The following KCNMA1 variants were observed in gnomAD, a reference collection of about 807,000 sequenced individuals.
KCNMA1 encodes the protein Calcium-activated potassium channel subunit alpha-1.
Under a neutral mutation model 140.0 loss-of-function variants are expected in KCNMA1, and 29 were observed. That is an observed-to-expected ratio of 0.21 (90% CI 0.15 to 0.28). The LOEUF (loss-of-function observed/expected upper bound fraction) is 0.28, where lower values mean the gene tolerates loss of function less well. KCNMA1 is among the 10% of genes least tolerant of loss of function. The pLI is 1.00. For missense variants in KCNMA1, 880 were observed against 1,602.2 expected (o/e 0.55, Z 7.70); for synonymous variants, 612 against 611.9 (o/e 1.00, Z 0.00).
intron 1 of KCNMA1, among the ~76,000 whole-genome samples, chr10:77,473,376 G>C (rs1350555912): frequency 1.3e-5 from 2 of 152,118 alleles, no homozygotes; most frequent in Non-Finnish European, 2.9e-5. Context: ...CTGATGAACT[G>C]GGGGCCCCAG....
chr10:77,075,357 A>G (rs1369908399), intron 13 of KCNMA1, among the ~76,000 whole-genome samples: 1 of 152,256 alleles, frequency 6.6e-6, no homozygotes, highest in Non-Finnish European at 1.5e-5. Context: ...ATATCATCTG[A>G]GAACCTGAGA....
At chr10:76,939,211 C>T (rs551578297) in intron 23 of KCNMA1, 36 of 145,928 alleles carry the variant, frequency 2.5e-4, no homozygotes, top group African/African-American at 8.7e-4. Context: ...AGCTCCGCCT[C>T]CTGGGTTCAA....
intron 2 of KCNMA1, among the ~76,000 whole-genome samples, chr10:77,302,939 G>A (rs659111): frequency 6.6e-6 from 1 of 151,750 alleles, no homozygotes; most frequent in African/African-American, 2.4e-5. Context: ...TGGTTTGCAG[G>A]GGGGGGTTTC....
intron 22 of KCNMA1, 156 bp downstream of exon 22, chr10:76,948,986 T>C: frequency 1.3e-6 from 1 of 760,004 alleles, no homozygotes; most frequent in South Asian, 1.4e-5. Flanking sequence ...GTTTGGATTT[T>C]CCTTGACAGA....
At position 77,252,680 on chromosome 10, in the gene KCNMA1, A is replaced by T. The variant is rs2059909711; in HGVS notation, c.541-1424T>A. On this transcript the variant is annotated intron_variant, in intron 2 of 27. Coordinates refer to ENST00000286628, the MANE Select transcript of KCNMA1 (RefSeq NM_001161352.2). Reference sequence around the variant, plus strand: ...GTGGCTGACAGAAAATGAAATCTGCATGAGATACTCATTTAAAGCATTGCA... The same window carrying T: ...GTGGCTGACAGAAAATGAAATCTGCTTGAGATACTCATTTAAAGCATTGCA... 2.6e-5 allele frequency among the ~76,000 whole-genome samples: 4 copies of T among 152,222 alleles called. No homozygotes were observed. The South Asian group carries it at 8.3e-4, about 32-fold the overall frequency.
intron 1 of KCNMA1, among the ~76,000 whole-genome samples, chr10:77,502,656 A>C (rs865292): frequency 0.11 from 16,275 of 151,924 alleles, 1,180 homozygotes; most frequent in African/African-American, 0.18. Flanking sequence ...CAAAGCCTGA[A>C]CTCTTTCTTC....
intron 1 of KCNMA1, among the ~76,000 whole-genome samples, chr10:77,576,854 G>A (rs182804618): frequency 1.3e-5 from 2 of 152,246 alleles, no homozygotes; most frequent in African/African-American, 4.8e-5. Context: ...TCATTTAACG[G>A]GAGGAGGAAG....
At chr10:77,434,401 T>C (rs1018160846) in intron 1 of KCNMA1, among the ~76,000 whole-genome samples, 1 of 152,172 alleles carries the variant, frequency 6.6e-6, no homozygotes, top group African/African-American at 2.4e-5. Context: ...GGGAAGATCG[T>C]GTTCAGGAAG....
At chr10:76,924,078 T>C (rs1451293634) in intron 23 of KCNMA1, among the ~76,000 whole-genome samples, 1 of 152,216 alleles carries the variant, frequency 6.6e-6, no homozygotes, top group Admixed American at 6.5e-5. Flanking sequence ...ACCTCCACTT[T>C]GGCCTAAGCA....
At chr10:77,229,587 C>T (rs1279069858) in intron 3 of KCNMA1, among the ~76,000 whole-genome samples, 5 of 152,112 alleles carry the variant, frequency 3.3e-5, no homozygotes, top group East Asian at 1.9e-4. Flanking sequence ...TTATCACCTG[C>T]CCAAGGCTAC....
At chr10:77,455,527 C>T (rs1236592798) in intron 1 of KCNMA1, among the ~76,000 whole-genome samples, 1 of 152,154 alleles carries the variant, frequency 6.6e-6, no homozygotes, top group African/African-American at 2.4e-5. Flanking sequence ...TTGATAGGCT[C>T]CTATGAAATG....
At chr10:77,102,557 C>G (rs900680399) in intron 9 of KCNMA1, among the ~76,000 whole-genome samples, 2 of 152,194 alleles carry the variant, frequency 1.3e-5, no homozygotes, top group African/African-American at 4.8e-5. Context: ...TCTGAGCGAG[C>G]AATCAGTTTT....
rs1437880945 is a variant in KCNMA1 at position 77,556,252 on chromosome 10, C to G, written c.378+81013G>C. 6.6e-5 allele frequency among the ~76,000 whole-genome samples: 10 copies of G among 152,158 alleles called. No homozygotes were observed. The East Asian group carries it at 1.4e-3, about 21-fold the overall frequency. On this transcript the variant is annotated intron_variant, in intron 1 of 27. Transcript: ENST00000286628. ...CAGGCGCGGTGGCTCATGCTGTAAT[C>G]CCAGCACTTTGGGAGGCCGAGGCAG...
intron 1 of KCNMA1, among the ~76,000 whole-genome samples, chr10:77,584,522 T>G (rs565065001): frequency 3.9e-5 from 6 of 152,080 alleles, no homozygotes; most frequent in African/African-American, 1.4e-4. Flanking sequence ...GCCCAGCTAA[T>G]TTTTGTATTT....
intron 2 of KCNMA1, among the ~76,000 whole-genome samples, chr10:77,346,794 G>C (rs1464750924): frequency 6.6e-6 from 1 of 152,200 alleles, no homozygotes; most frequent in African/African-American, 2.4e-5. Context: ...TGATGCATCT[G>C]TCCTGGTGAA....
downstream of KCNMA1, chr10:76,884,777 G>C (rs2036115650): frequency 1.6e-6 from 1 of 607,670 alleles, no homozygotes; most frequent in African/African-American, 2.0e-5. Context: ...AAGAAGGAAG[G>C]GAAAAGGAGA....
intron 1 of KCNMA1, among the ~76,000 whole-genome samples, chr10:77,576,102 C>T (rs951192806): frequency 2.6e-5 from 4 of 152,214 alleles, no homozygotes; most frequent in African/African-American, 9.6e-5. Flanking sequence ...CACATCCGGA[C>T]GCATCTAGAT....
At position 76,953,003 on chromosome 10, in the gene KCNMA1, A is replaced by C. The variant is rs567688230; in HGVS notation, c.2484+798T>G. On this transcript the variant is annotated intron_variant, in intron 21 of 27. Transcript: ENST00000286628. The stretch of plus-strand genomic sequence containing the variant: ...AAGCCAGTGTAGGCATTAAGACCCA[A>C]AGCTGTTAATAGAACAAGGGCAGAG... 1.6e-4 allele frequency among the ~76,000 whole-genome samples: 25 copies of C among 152,336 alleles called. No homozygotes were observed. In the South Asian group the frequency reaches 4.6e-3, roughly 28 times the overall value.
intron 2 of KCNMA1, 91 bp downstream of exon 2, chr10:77,403,771 G>C: frequency 7.5e-7 from 1 of 1,336,724 alleles, no homozygotes; most frequent in South Asian, 1.4e-5. Context: ...GCCTCCTGCA[G>C]AAGACCCTGG....
Sources: gnomAD v4.1 joint callset for allele counts (sites outside exome capture counted in the v4.1 genomes callset) on GRCh38, gnomAD v4.1.1 for gene constraint, MANE v1.5 for transcripts, NCBI Gene and HGNC (gene_info 2026-07-23, HGNC 2026-07-21) for gene names.